Variants in ADAMTS18 observed in about 807,000 individuals in gnomAD.
ADAMTS18 encodes the protein A disintegrin and metalloproteinase with thrombospondin motifs 18.
A neutral mutation model predicts 165.9 loss-of-function variants in ADAMTS18; 157 were observed. The observed-to-expected ratio is 0.95, with a 90% CI of 0.83 to 1.08. The LOEUF is 1.08. Ranked by LOEUF, ADAMTS18 falls within the 50% of genes least tolerant of loss-of-function variation. ADAMTS18 has a pLI of 0.00. For missense variants in ADAMTS18, 2,040 were observed against 1,534.0 expected, an observed-to-expected ratio of 1.33 and a Z score of -5.51; for synonymous variants, 782 against 578.2, an observed-to-expected ratio of 1.35 and a Z score of -5.06.
chr16:77,385,934 A>C (rs1265110529), intron 3 of ADAMTS18, among the ~76,000 whole-genome samples: 1 of 152,250 alleles, frequency 6.6e-6, no homozygotes, highest in African/African-American at 2.4e-5. Flanking sequence ...CTGATTTTAC[A>C]GAGGAAGGAA....
chr16:77,361,654 C>A (rs902923519), intron 7 of ADAMTS18, among the ~76,000 whole-genome samples: 2 of 152,234 alleles, frequency 1.3e-5, no homozygotes, highest in Admixed American at 1.3e-4. Context: ...GAGACCAAGG[C>A]GGGCGGAACA....
intron 8 of ADAMTS18, among the ~76,000 whole-genome samples, chr16:77,358,940 T>A (rs2056670967): frequency 6.6e-6 from 1 of 152,068 alleles, no homozygotes. Flanking sequence ...GCAGCAAAAG[T>A]TTTTTTAAAA....
chr16:77,374,761 A>C, intron 3 of ADAMTS18, among the ~76,000 whole-genome samples: 1 of 152,206 alleles, frequency 6.6e-6, no homozygotes, highest in Middle Eastern at 3.2e-3. Flanking sequence ...AAGCAATTTA[A>C]AAAATAATAA....
At chr16:77,391,923 G>A (rs748352693) in intron 3 of ADAMTS18, among the ~76,000 whole-genome samples, 4 of 152,070 alleles carry the variant, frequency 2.6e-5, no homozygotes, top group Non-Finnish European at 5.9e-5. Flanking sequence ...ACAGACAGAG[G>A]TGCTCTAACT....
Position 77,367,566 on chromosome 16 carries a change from G to T in ADAMTS18, c.653C>A (p.Pro218His), listed in dbSNP as rs141796905. 8.1e-6 allele frequency: 13 copies of T among 1,614,102 alleles called. No homozygotes were observed. The highest frequency in any genetic ancestry group is 1.1e-5 in the Non-Finnish European group (13 of 1,180,046). ...EEKIQRYRGY[P>H]GSGRNYPGYS... ...ACCAGGATAATTCCGGCCAGAGCCG[G>T]GGTAGCCACGGTACCGCTGGATCTT... The change falls in exon 4 of 23, where the codon CCC becomes CAC. Residue 218 changes from proline (P) to histidine (H), a missense_variant. Pro to His is a moderately conservative substitution (Grantham distance 77). Transcript: ENST00000282849.
chr16:77,303,556 ACCACCTCAT>A (rs1291118652), intron 16 of ADAMTS18, among the ~76,000 whole-genome samples: 2 of 151,908 alleles, frequency 1.3e-5, no homozygotes, highest in African/African-American at 4.8e-5. Flanking sequence ...CTCATATCTT[ACCACCTCAT>A]ATGTTGTTGC....
chr16:77,316,761 C>T (rs1177000279), intron 16 of ADAMTS18, among the ~76,000 whole-genome samples: 3 of 152,046 alleles, frequency 2.0e-5, no homozygotes, highest in African/African-American at 7.2e-5. Context: ...CCTCTGCCTC[C>T]CAAGCTCAAA....
intron 3 of ADAMTS18, among the ~76,000 whole-genome samples, chr16:77,426,832 G>A (rs2057679026): frequency 6.6e-6 from 1 of 152,126 alleles, no homozygotes; most frequent in Non-Finnish European, 1.5e-5. Flanking sequence ...AGGCCAGCCT[G>A]GGCAACATGG....
At chr16:77,289,147 G>A (rs368893066) in intron 22 of ADAMTS18, 117 bp downstream of exon 22, 22 of 1,330,574 alleles carry the variant, frequency 1.7e-5, no homozygotes, top group African/African-American at 1.2e-4. Context: ...CATAGACTTC[G>A]GGTGAATGGC....
chr16:77,420,935 C>T (rs76403885), intron 3 of ADAMTS18, among the ~76,000 whole-genome samples: 2 of 152,116 alleles, frequency 1.3e-5, no homozygotes, highest in African/African-American at 4.8e-5. Context: ...CCCATAGACA[C>T]TAAAAAGTAC....
At chr16:77,408,082 A>G (rs1360735873) in intron 3 of ADAMTS18, among the ~76,000 whole-genome samples, 3 of 152,158 alleles carry the variant, frequency 2.0e-5, no homozygotes, top group African/African-American at 4.8e-5. Flanking sequence ...ACAAAAGAGG[A>G]TATCTAAATG....
intron 12 of ADAMTS18, among the ~76,000 whole-genome samples, chr16:77,334,762 ACAG>A (rs72339911): frequency 0.42 from 17,418 of 41,442 alleles, 2,022 homozygotes; most frequent in East Asian, 0.51. Context: ...ACTATAGTAT[ACAG>A]TATATATACT....
intron 13 of ADAMTS18, among the ~76,000 whole-genome samples, chr16:77,323,772 A>G (rs1009940287): frequency 6.6e-5 from 10 of 152,216 alleles, no homozygotes; most frequent in Non-Finnish European, 1.5e-4. Context: ...GGAGACAAGG[A>G]GAGACTAGAA....
At chr16:77,284,232 T>C (rs2055205270) in intron 22 of ADAMTS18, among the ~76,000 whole-genome samples, 161 bp from the exon 23 acceptor site, 1 of 151,776 alleles carries the variant, frequency 6.6e-6, no homozygotes, top group Non-Finnish European at 1.5e-5. Context: ...TTCAAACGAT[T>C]CTCCTGCCTA....
intron 3 of ADAMTS18, among the ~76,000 whole-genome samples, chr16:77,414,693 A>G (rs1288501273): frequency 1.3e-5 from 2 of 152,220 alleles, no homozygotes; most frequent in Admixed American, 6.5e-5. Context: ...GTCATTATTT[A>G]AAAATAAAGA....
intron 16 of ADAMTS18, among the ~76,000 whole-genome samples, chr16:77,305,027 G>C (rs1335943885): frequency 1.3e-5 from 2 of 152,148 alleles, no homozygotes; most frequent in African/African-American, 4.8e-5. Flanking sequence ...GACAATATTT[G>C]TACAAACCAG....
rs560988796 is a variant in ADAMTS18, at chr16:77,360,036, C to A, written c.1217-613G>T. Among the ~76,000 whole-genome samples, 133 of 152,332 alleles carry A rather than the reference C, an allele frequency of 8.7e-4. 2 individuals carry two copies. In the South Asian group the frequency reaches 0.026, roughly 30 times the overall value. ...CCCGGCCAGCCCTTAAGTCTATCTT[C>A]AAATACAATACAGTGTGTGCGAACA... is the stretch of plus-strand genomic sequence containing the variant. On this transcript the variant is annotated intron_variant, in intron 7 of 22. Coordinates refer to ENST00000282849, the MANE Select transcript of ADAMTS18 (RefSeq NM_199355.4).
intron 16 of ADAMTS18, among the ~76,000 whole-genome samples, chr16:77,306,283 C>A (rs1413022120): frequency 6.6e-6 from 1 of 152,136 alleles, no homozygotes. Flanking sequence ...ACTTCAGACA[C>A]AACACTCAGC....
chr16:77,389,211 A>C (rs184110737), intron 3 of ADAMTS18, among the ~76,000 whole-genome samples: 9 of 152,204 alleles, frequency 5.9e-5, no homozygotes, highest in Admixed American at 5.9e-4. Context: ...AGGCTGAAGC[A>C]GGAGTATCAC....
Sources: gnomAD v4.1 joint callset for allele counts (sites outside exome capture counted in the v4.1 genomes callset) on GRCh38, gnomAD v4.1.1 for gene constraint, MANE v1.5 for transcripts, NCBI Gene and HGNC (gene_info 2026-07-23, HGNC 2026-07-21) for gene names.